The following PRKG1 variants were observed in gnomAD, a reference collection of about 807,000 sequenced individuals.
The protein encoded by PRKG1 is protein kinase cGMP-dependent 1.
PRKG1 carries 35 observed loss-of-function variants against 88.1 expected under a neutral mutation model. That is an observed-to-expected ratio of 0.40 (90% CI 0.30 to 0.53). The LOEUF is 0.53. Ranked by LOEUF, PRKG1 falls within the 20% of genes least tolerant of loss-of-function variation. The pLI is 0.59. For synonymous variants in PRKG1, 303 were observed against 292.5 expected (o/e 1.04, Z -0.37); for missense variants, 540 against 839.8 (o/e 0.64, Z 4.41).
At chr10:52,004,522 T>G (rs980487601) in intron 5 of PRKG1, among the ~76,000 whole-genome samples, 2 of 152,214 alleles carry the variant, frequency 1.3e-5, no homozygotes, top group Non-Finnish European at 2.9e-5. Flanking sequence ...CCCCATCTAC[T>G]GGATAATGTG....
chr10:51,359,946 T>C (rs1202254477), intron 2 of PRKG1, among the ~76,000 whole-genome samples: 18 of 151,964 alleles, frequency 1.2e-4, no homozygotes, highest in Non-Finnish European at 7.4e-5. Context: ...ACTTTCAGAA[T>C]TCTGCTTCTC....
intron 2 of PRKG1, among the ~76,000 whole-genome samples, chr10:51,279,265 T>G (rs929945246): frequency 2.6e-5 from 4 of 152,218 alleles, no homozygotes; most frequent in African/African-American, 9.6e-5. Context: ...TTGAGAGGTT[T>G]TGAGTGAGTT....
intron 4 of PRKG1, among the ~76,000 whole-genome samples, chr10:51,873,063 C>T (rs1343800481): frequency 6.6e-6 from 1 of 152,114 alleles, no homozygotes; most frequent in Non-Finnish European, 1.5e-5. Context: ...CTGGAATTCA[C>T]ATGTAATAAT....
chr10:51,408,868 G>T (rs1460667673), intron 2 of PRKG1, among the ~76,000 whole-genome samples: 1 of 152,166 alleles, frequency 6.6e-6, no homozygotes, highest in Non-Finnish European at 1.5e-5. Flanking sequence ...TCATCCACTG[G>T]TGAGCACTCA....
At chr10:52,116,373 A>T (rs917151371) in intron 7 of PRKG1, among the ~76,000 whole-genome samples, 1 of 152,146 alleles carries the variant, frequency 6.6e-6, no homozygotes, top group Non-Finnish European at 1.5e-5. Context: ...TTAGTTGCTA[A>T]ATCTAGCAAC....
intron 3 of PRKG1, among the ~76,000 whole-genome samples, chr10:51,771,907 G>A (rs918992292): frequency 6.6e-6 from 1 of 151,832 alleles, no homozygotes; most frequent in Non-Finnish European, 1.5e-5. Context: ...ACAGTTCCAA[G>A]CAACTCTCTC....
chr10:51,697,622 G>T, intron 3 of PRKG1: 1 of 1,402,546 alleles, frequency 7.1e-7, no homozygotes. Context: ...TGGGGATACA[G>T]AAGTCAGCTT....
chr10:51,760,090 G>T (rs1420760173), intron 3 of PRKG1, among the ~76,000 whole-genome samples: 1 of 152,146 alleles, frequency 6.6e-6, no homozygotes, highest in Non-Finnish European at 1.5e-5. Flanking sequence ...GCAGAGCACA[G>T]TCTAAAAATG....
At chr10:51,403,007 C>T (rs1837795862) in intron 2 of PRKG1, among the ~76,000 whole-genome samples, 1 of 152,142 alleles carries the variant, frequency 6.6e-6, no homozygotes, top group African/African-American at 2.4e-5. Flanking sequence ...ATTGTTTTGT[C>T]ATGGAATAGC....
chr10:51,644,362 T>C (rs909165574), intron 3 of PRKG1, among the ~76,000 whole-genome samples: 3 of 152,198 alleles, frequency 2.0e-5, no homozygotes, highest in Non-Finnish European at 4.4e-5. Context: ...TTTTTTGTGA[T>C]GCAGTTCACG....
At chr10:51,706,491 G>A (rs1386045221) in intron 3 of PRKG1, among the ~76,000 whole-genome samples, 1 of 152,014 alleles carries the variant, frequency 6.6e-6, no homozygotes. Flanking sequence ...GTTCTCCCTG[G>A]AAGGGATTGC....
intron 5 of PRKG1, among the ~76,000 whole-genome samples, chr10:52,034,769 G>A (rs1389777363): frequency 6.6e-6 from 1 of 152,066 alleles, no homozygotes; most frequent in African/African-American, 2.4e-5. Context: ...GAAGATAGTA[G>A]GGATGACAAG....
At chr10:51,865,932 T>A (rs528727098) in intron 4 of PRKG1, among the ~76,000 whole-genome samples, 269 of 152,072 alleles carry the variant, frequency 1.8e-3, no homozygotes, top group African/African-American at 6.3e-3. Flanking sequence ...TTAAATAAGA[T>A]CAGTATTGTA....
intron 8 of PRKG1, 127 bp downstream of exon 8, chr10:52,134,032 T>A (rs975703931): frequency 3.4e-5 from 25 of 745,676 alleles, no homozygotes; most frequent in Admixed American, 1.3e-4. Context: ...TTAAATGAAT[T>A]CTGTATTTGT....
At chr10:52,281,843 CTG>C (rs1842008717) in intron 13 of PRKG1, among the ~76,000 whole-genome samples, 1 of 152,064 alleles carries the variant, frequency 6.6e-6, no homozygotes, top group Non-Finnish European at 1.5e-5. Flanking sequence ...AGAAGAGATT[CTG>C]TGTTTACACT....
chr10:51,000,383 G>T (rs865821298), intron 1 of PRKG1, among the ~76,000 whole-genome samples: 1 of 152,162 alleles, frequency 6.6e-6, no homozygotes, highest in Non-Finnish European at 1.5e-5. Context: ...TTGCACATGG[G>T]AATGTCATCT....
At chr10:51,562,385 A>G (rs1837489219) in intron 3 of PRKG1, among the ~76,000 whole-genome samples, 1 of 152,152 alleles carries the variant, frequency 6.6e-6, no homozygotes. Flanking sequence ...ATTAAAATGA[A>G]TTATCTTACT....
intron 5 of PRKG1, among the ~76,000 whole-genome samples, chr10:52,029,785 T>C (rs1332049347): frequency 1.3e-5 from 2 of 152,174 alleles, no homozygotes; most frequent in Non-Finnish European, 1.5e-5. Context: ...ATGGTTCCCT[T>C]AGTTGTGGTT....
At chr10:51,103,077 G>T (rs1030551536) in intron 1 of PRKG1, among the ~76,000 whole-genome samples, 1 of 151,924 alleles carries the variant, frequency 6.6e-6, no homozygotes, top group African/African-American at 2.4e-5. Context: ...ACTCAATTAA[G>T]ATATGGAATT....
Sources: gnomAD v4.1 joint callset for allele counts (sites outside exome capture counted in the v4.1 genomes callset) on GRCh38, gnomAD v4.1.1 for gene constraint, MANE v1.5 for transcripts, NCBI Gene and HGNC (gene_info 2026-07-23, HGNC 2026-07-21) for gene names.